Variants in DNAI7 observed in about 807,000 individuals in gnomAD.
DNAI7 encodes the protein cancer susceptibility 1.
Under a neutral mutation model 86.6 loss-of-function variants are expected in DNAI7, and 78 were observed. The ratio of observed to expected loss-of-function variants is 0.90; its 90% CI spans 0.75 to 1.09. The LOEUF (loss-of-function observed/expected upper bound fraction) is 1.09. Ranked by LOEUF, DNAI7 falls within the 50% of genes least tolerant of loss-of-function variation. DNAI7 has a pLI of 0.00. For missense variants in DNAI7, 753 were observed against 810.2 expected (o/e 0.93, Z 0.86); for synonymous variants, 274 against 273.0 (o/e 1.00, Z -0.04).
chr12:25,115,322 T>G lies in DNAI7; in HGVS notation c.1397-452A>C, dbSNP rs80013416. ...TGTATACAATTCAATTATCTTTAAT[T>G]TACCCAGTTGTGCAACCATCACCAC... On this transcript the variant is annotated intron_variant, in intron 12 of 15. Transcript: ENST00000395987. Among the ~76,000 whole-genome samples the G allele has an allele frequency of 1.9e-3, 287 of 152,316 alleles. 1 individual carries two copies. The highest frequency in any genetic ancestry group is 6.6e-3 in the African/African-American group (274 of 41,578).
chr12:25,127,578 A>G (rs1942324383), intron 9 of DNAI7, among the ~76,000 whole-genome samples: 2 of 152,226 alleles, frequency 1.3e-5, no homozygotes, highest in African/African-American at 2.4e-5. Flanking sequence ...TTGCTTGGAA[A>G]TGTTGACAGA....
At chr12:25,164,274 C>G (rs1273494618) in intron 2 of DNAI7, among the ~76,000 whole-genome samples, 1 of 151,590 alleles carries the variant, frequency 6.6e-6, no homozygotes, top group Non-Finnish European at 1.5e-5. Flanking sequence ...TTCTAGAGGG[C>G]AAGAATCCCC....
At chr12:25,146,083 A>G (rs1226654922) in intron 8 of DNAI7, among the ~76,000 whole-genome samples, 1 of 151,802 alleles carries the variant, frequency 6.6e-6, no homozygotes, top group Non-Finnish European at 1.5e-5. Flanking sequence ...TTAGCCAAGC[A>G]TGGTGGCACA....
In DNAI7 at chr12:25,121,727, A is replaced by G. The variant is rs761269902; in HGVS notation, c.1239+26T>C. ...AAGCGTGAGCAATTATTTTACTTAT[A>G]AGTTTTGATTCAAGAATCAACCTAC... On this transcript the variant is annotated intron_variant, in intron 11 of 15. Transcript: ENST00000395987. 66 of 1,566,614 alleles carry G rather than the reference A, an allele frequency of 4.2e-5. No individual in the cohort carries two copies. In the South Asian group the frequency reaches 6.9e-4, roughly 16 times the overall value.
chr12:25,157,983 C>A (rs7309124), intron 4 of DNAI7, among the ~76,000 whole-genome samples: 45,184 of 151,848 alleles, frequency 0.3, 7,416 homozygotes, highest in Non-Finnish European at 0.36. Context: ...TAATCCCAGC[C>A]CTTTGGGAGG....
intron 9 of DNAI7, among the ~76,000 whole-genome samples, chr12:25,128,470 A>G (rs1049152336): frequency 6.6e-6 from 1 of 152,192 alleles, no homozygotes; most frequent in East Asian, 1.9e-4. Context: ...GCTTGATTCC[A>G]GAAGTTCAGA....
intron 13 of DNAI7, among the ~76,000 whole-genome samples, 161 bp from the exon 14 acceptor site, chr12:25,112,100 GCT>G (rs1938966976): frequency 6.6e-6 from 1 of 152,156 alleles, no homozygotes; most frequent in Admixed American, 6.5e-5. Context: ...TCATCTGAAT[GCT>G]CTGACACAAA....
chr12:25,165,692 G>A (rs1332872583), intron 2 of DNAI7, among the ~76,000 whole-genome samples: 1 of 152,184 alleles, frequency 6.6e-6, no homozygotes, highest in African/African-American at 2.4e-5. Flanking sequence ...TCACAGTGGA[G>A]AGTAAGTCTG....
At chr12:25,126,551 A>G (rs922168357) in intron 9 of DNAI7, among the ~76,000 whole-genome samples, 4 of 152,154 alleles carry the variant, frequency 2.6e-5, no homozygotes, top group African/African-American at 9.7e-5. Context: ...AAAGTAAAGC[A>G]AGGGAGAGGC....
downstream of DNAI7, chr12:25,107,058 A>C (rs970195715): frequency 1.6e-5 from 23 of 1,464,190 alleles, no homozygotes; most frequent in Non-Finnish European, 2.2e-5. Context: ...AGTGTAAGTT[A>C]TCTACTTGAT....
intron 14 of DNAI7, 56 bp downstream of exon 14, chr12:25,111,716 T>C: frequency 9.1e-7 from 1 of 1,100,232 alleles, no homozygotes; most frequent in Non-Finnish European, 1.3e-6. Flanking sequence ...TAACATTTAA[T>C]AATTGCTAAC....
intron 9 of DNAI7, among the ~76,000 whole-genome samples, chr12:25,130,171 A>T (rs1942711928): frequency 6.6e-6 from 1 of 152,298 alleles, no homozygotes; most frequent in African/African-American, 2.4e-5. Flanking sequence ...TAAAAACAAG[A>T]GCGTGTTGAA....
At chr12:25,193,420 C>A (rs533339444) in intron 1 of DNAI7, among the ~76,000 whole-genome samples, 200 of 152,326 alleles carry the variant, frequency 1.3e-3, no homozygotes, top group Non-Finnish European at 2.2e-3. Context: ...CTGAACAGAT[C>A]TCTCCCTAAG....
chr12:25,132,961 G>A (rs1172620952), intron 9 of DNAI7, among the ~76,000 whole-genome samples: 1 of 152,110 alleles, frequency 6.6e-6, no homozygotes, highest in Non-Finnish European at 1.5e-5. Flanking sequence ...GTTTTATAAT[G>A]AGGTTTATGG....
intron 9 of DNAI7, among the ~76,000 whole-genome samples, chr12:25,128,961 TCA>T (rs761427543): frequency 1.3e-5 from 2 of 152,202 alleles, no homozygotes; most frequent in Non-Finnish European, 2.9e-5. Flanking sequence ...GCCTAAATTC[TCA>T]CTCTGGCCTG....
intron 2 of DNAI7, among the ~76,000 whole-genome samples, chr12:25,183,254 G>C (rs534049651): frequency 6.6e-6 from 1 of 151,874 alleles, no homozygotes. Flanking sequence ...CGGGGACAAG[G>C]GTTGAAAAAC....
chr12:25,144,294 G>C lies in DNAI7; in HGVS notation c.1002+71C>G, dbSNP rs138803681. The stretch of plus-strand genomic sequence containing the variant: ...TCCAGTTGTTTAGGAAAAATCTTGA[G>C]AACACTTTAAGGGAATCTAATAACG... On this transcript the variant is annotated intron_variant, in intron 9 of 15. Coordinates refer to ENST00000395987, the MANE Select transcript of DNAI7 (RefSeq NM_018272.5). 1.2e-4 allele frequency: 150 copies of C among 1,299,160 alleles called. No individual in the cohort carries two copies. In the African/African-American group the frequency reaches 2.0e-3, roughly 17 times the overall value. The allele number at this position is 1,299,160 out of a possible 1,614,324, so 80.5% of individuals were successfully genotyped here. A position where few individuals can be genotyped will look rare whatever the true frequency, so the allele number is the denominator to read the frequency against.
chr12:25,164,589 C>T (rs897302249), intron 2 of DNAI7, among the ~76,000 whole-genome samples: 1 of 152,130 alleles, frequency 6.6e-6, no homozygotes, highest in Non-Finnish European at 1.5e-5. Context: ...TTCCATCCTA[C>T]AAGACCTAAA....
At chr12:25,147,476 A>ACCTC (rs139493103) in intron 7 of DNAI7, among the ~76,000 whole-genome samples, 1 of 148,004 alleles carries the variant, frequency 6.8e-6, no homozygotes, top group East Asian at 2.0e-4. Context: ...ACATAATGAG[A>ACCTC]CCACCCCCAT....
Sources: allele counts gnomAD v4.1 joint callset (sites outside exome capture counted in the v4.1 genomes callset), GRCh38; gene constraint gnomAD v4.1.1; transcripts MANE v1.5; gene names NCBI Gene and HGNC (gene_info 2026-07-23, HGNC 2026-07-21).